Variants in ZNF532 observed in about 807,000 individuals in gnomAD.
ZNF532 encodes the protein zinc finger protein 532.
In ZNF532, 22 loss-of-function variants were observed where a neutral mutation model predicts 89.3. The ratio of observed to expected loss-of-function variants is 0.25; its 90% CI spans 0.18 to 0.35. The LOEUF (loss-of-function observed/expected upper bound fraction) is 0.35. Among genes scored for constraint, ZNF532 ranks in the 10% least tolerant of loss-of-function variants. ZNF532 has a pLI of 1.00. For synonymous variants in ZNF532, 606 were observed against 649.6 expected (o/e 0.93, Z 1.02); for missense variants, 1,132 against 1,643.4 (o/e 0.69, Z 5.38).
chr18:58,956,953 A>G (rs1030374100), intron 7 of ZNF532, among the ~76,000 whole-genome samples: 3 of 152,208 alleles, frequency 2.0e-5, no homozygotes, highest in African/African-American at 7.2e-5. Context: ...ATATATACAG[A>G]TAGCACCCAA....
At chr18:58,897,010 G>T (rs1177994892) in intron 2 of ZNF532, among the ~76,000 whole-genome samples, 1 of 152,222 alleles carries the variant, frequency 6.6e-6, no homozygotes, top group African/African-American at 2.4e-5. Context: ...TTGTTCTGGG[G>T]TCTAGTCTTA....
chr18:58,916,501 G>T (rs1000875723), intron 2 of ZNF532, among the ~76,000 whole-genome samples: 2 of 152,126 alleles, frequency 1.3e-5, no homozygotes, highest in Admixed American at 6.6e-5. Context: ...CTCTGTTTCC[G>T]CAGGCGCCCC....
intron 3 of ZNF532, among the ~76,000 whole-genome samples, chr18:58,924,484 G>A (rs2061375274): frequency 6.6e-6 from 1 of 152,208 alleles, no homozygotes; most frequent in Non-Finnish European, 1.5e-5. Context: ...TTGCTAGACT[G>A]GCAGGTCCAT....
At chr18:58,925,405 G>GT (rs2061444425) in intron 3 of ZNF532, among the ~76,000 whole-genome samples, 1 of 152,146 alleles carries the variant, frequency 6.6e-6, no homozygotes, top group Admixed American at 6.5e-5. Flanking sequence ...TTTGCCATCT[G>GT]TTTTTCCTTT....
At chr18:58,882,517 T>C (rs138195285) in intron 2 of ZNF532, among the ~76,000 whole-genome samples, 332 of 152,322 alleles carry the variant, frequency 2.2e-3, no homozygotes, top group African/African-American at 7.5e-3. Context: ...TCTCCGCTCA[T>C]GGCAGCCTTG....
intron 2 of ZNF532, among the ~76,000 whole-genome samples, chr18:58,879,509 C>T (rs2057714554): frequency 6.6e-6 from 1 of 152,146 alleles, no homozygotes; most frequent in African/African-American, 2.4e-5. Flanking sequence ...TTGCCTCAGC[C>T]TCCCAAGTAG....
At chr18:58,936,825 G>T (rs902020643) in intron 4 of ZNF532, among the ~76,000 whole-genome samples, 2 of 152,164 alleles carry the variant, frequency 1.3e-5, no homozygotes, top group African/African-American at 2.4e-5. Flanking sequence ...GGGCTTAGTA[G>T]CCCCGTGGCC....
At chr18:58,895,011 G>A (rs2059154631) in intron 2 of ZNF532, among the ~76,000 whole-genome samples, 1 of 152,186 alleles carries the variant, frequency 6.6e-6, no homozygotes, top group Non-Finnish European at 1.5e-5. Context: ...CTATCCCACA[G>A]GAAGAGCCAA....
chr18:58,921,984 T>C (rs1307756747), intron 3 of ZNF532, among the ~76,000 whole-genome samples: 1 of 151,942 alleles, frequency 6.6e-6, no homozygotes, highest in African/African-American at 2.4e-5. Context: ...GTGCATGCTG[T>C]TGGTCCCAGC....
At chr18:58,877,412 A>AACAT (rs2057519647) in intron 2 of ZNF532, among the ~76,000 whole-genome samples, 1 of 152,222 alleles carries the variant, frequency 6.6e-6, no homozygotes, top group Non-Finnish European at 1.5e-5. Flanking sequence ...CTCTTATGTA[A>AACAT]GAGACTGGAG....
At chr18:58,888,741 T>TTTTATATATATATAAAAAATATATATAA (rs2058534430) in intron 2 of ZNF532, among the ~76,000 whole-genome samples, 2 of 30,442 alleles carry the variant, frequency 6.6e-5, no homozygotes, top group Non-Finnish European at 1.0e-4. Context: ...TATATATATA[T>TTTTATATATATATAAAAAATATATATAA]TTTATATATA....
chr18:58,869,000 G>T (rs2056734482), intron 2 of ZNF532, among the ~76,000 whole-genome samples: 7 of 152,142 alleles, frequency 4.6e-5, no homozygotes, highest in African/African-American at 1.7e-4. Flanking sequence ...GCATACTGTA[G>T]GCAGTTTTAA....
In ZNF532 at chr18:58,946,459, G is replaced by A. The variant is rs1165886503; in HGVS notation, c.2706-1608G>A. Among the ~76,000 whole-genome samples the A allele has an allele frequency of 3.3e-5, 5 of 152,062 alleles. No homozygotes were observed. The South Asian group carries it at 8.3e-4, about 25-fold the overall frequency. ...GCTAATTTTTTGTATTTTTAGTAGAGATAGGGTTTCGCCCTGTTGCCCAAG... is the reference window on the plus strand; with the variant it reads ...GCTAATTTTTTGTATTTTTAGTAGAAATAGGGTTTCGCCCTGTTGCCCAAG... On this transcript the variant is annotated intron_variant, in intron 5 of 9. Coordinates refer to ENST00000591808, the MANE Select transcript of ZNF532 (RefSeq NM_001375912.1).
intron 3 of ZNF532, among the ~76,000 whole-genome samples, chr18:58,921,805 T>C (rs2061108192): frequency 6.6e-6 from 1 of 152,214 alleles, no homozygotes; most frequent in South Asian, 2.1e-4. Context: ...TTGTCCAAAC[T>C]AGAAAGCTTG....
At chr18:58,932,965 A>T (rs1368267708) in intron 3 of ZNF532, among the ~76,000 whole-genome samples, 1 of 152,140 alleles carries the variant, frequency 6.6e-6, no homozygotes, top group Non-Finnish European at 1.5e-5. Flanking sequence ...TTCCCAAGTA[A>T]GTGCAAGACA....
rs190825498 is a variant in ZNF532 at position 58,939,323 on chromosome 18, A to G, written c.2529-122A>G. The G allele has an allele frequency of 1.5e-5, 9 of 609,758 alleles. No homozygotes were observed. The East Asian group carries it at 2.3e-4, about 16-fold the overall frequency. 37.8% of individuals were successfully genotyped at this position (609,758 alleles called of 1,614,324 possible). ...TATAATAGGAAAAAAACTAAAATAT[A>G]CTTCCGAAGGGCCATTAAAAACCTA... On this transcript the variant is annotated intron_variant, in intron 4 of 9. Transcript: ENST00000591808.
At chr18:58,862,968 T>G (rs1271669217), upstream of ZNF532, 1 of 152,168 alleles carries the variant, frequency 6.6e-6, no homozygotes, top group Non-Finnish European at 1.5e-5. Flanking sequence ...TCCAAACCAC[T>G]AACTAACCAG....
At chr18:58,888,729 T>TTTATATATATATAAA (rs1568245116) in intron 2 of ZNF532, among the ~76,000 whole-genome samples, 97 of 4,446 alleles carry the variant, frequency 0.022, no homozygotes, top group African/African-American at 0.08. Context: ...ATATATAAAT[T>TTTATATATATATAAA]ATATATATAT....
In ZNF532 at chr18:58,918,865, G is replaced by A. The variant is rs1423989577; in HGVS notation, c.578G>A (p.Gly193Asp). 1.2e-6 allele frequency: 2 copies of A among 1,614,012 alleles called. No individual in the cohort carries two copies. Among genetic ancestry groups the A allele is most frequent in the East Asian group, 4.5e-5 (2 of 44,892 alleles). The change falls in exon 3 of 10, where the codon GGC (glycine) becomes GAC (aspartate). Residue 193 changes from glycine to aspartate, a missense_variant. Around this residue, in one of 9 missense-constraint regions of ZNF532, gnomAD observed 302 missense variants for 319.8 expected, o/e 0.94. Coordinates refer to ENST00000591808, the MANE Select transcript of ZNF532 (RefSeq NM_001375912.1). ...AGCAAAACTGGACTCTCTACGTCAG[G>A]CAATGTGGAGAAAAACAAAGCTGTT... is the stretch of plus-strand genomic sequence containing the variant. The part of the protein sequence containing the change: ...NSSKTGLSTS[G>D]NVEKNKAVKR...
Sources: gnomAD v4.1 joint callset for allele counts (sites outside exome capture counted in the v4.1 genomes callset) on GRCh38, gnomAD v4.1.1 for gene constraint, gnomAD v4.1.1 regional missense constraint, MANE v1.5 for transcripts, NCBI Gene and HGNC (gene_info 2026-07-23, HGNC 2026-07-21) for gene names.